MTA3: variants seen among roughly 807,000 people sequenced by gnomAD.
The protein encoded by MTA3 is metastasis associated 1 family member 3.
Under a neutral mutation model 83.5 loss-of-function variants are expected in MTA3, and 34 were observed. The ratio of observed to expected loss-of-function variants is 0.41; its 90% confidence interval spans 0.31 to 0.54. The LOEUF (loss-of-function observed/expected upper bound fraction) is 0.54. Ranked by LOEUF, MTA3 falls within the 20% of genes least tolerant of loss-of-function variation. The pLI is 0.33. For missense variants in MTA3, 761 were observed against 726.4 expected, an observed-to-expected ratio of 1.05 and a Z score of -0.55; for synonymous variants, 303 against 252.7, an observed-to-expected ratio of 1.20 and a Z score of -1.89.
intron 2 of MTA3, among the ~76,000 whole-genome samples, chr2:42,572,454 C>T (rs1573011682): frequency 6.6e-6 from 1 of 151,914 alleles, no homozygotes; most frequent in Admixed American, 6.6e-5. Context: ...TGGCACATGC[C>T]TGTAGTCCCA....
intron 3 of MTA3, among the ~76,000 whole-genome samples, chr2:42,580,028 C>T (rs549633327): frequency 2.0e-5 from 3 of 152,254 alleles, no homozygotes; most frequent in East Asian, 3.9e-4. Flanking sequence ...ACTGCAGCCT[C>T]GATGTCCCGG....
At chr2:42,709,123 T>A in intron 14 of MTA3, 27 bp downstream of exon 14, 1 of 1,558,012 alleles carries the variant, frequency 6.4e-7, no homozygotes, top group Non-Finnish European at 8.7e-7. Flanking sequence ...TTCTTAACCT[T>A]ATATGTTGTG....
chr2:42,658,635 G>C (rs1254618354), intron 7 of MTA3, among the ~76,000 whole-genome samples: 1 of 152,174 alleles, frequency 6.6e-6, no homozygotes, highest in East Asian at 1.9e-4. Context: ...CCTGTGGAAA[G>C]GAGCTTGAGG....
At chr2:42,736,373 C>T (rs936625004) in intron 16 of MTA3, among the ~76,000 whole-genome samples, 8 of 152,186 alleles carry the variant, frequency 5.3e-5, no homozygotes, top group African/African-American at 1.7e-4. Flanking sequence ...TGGGACAGCT[C>T]TGTGTCAGAC....
chr2:42,703,976 GTCAGGCA>G, intron 11 of MTA3: 2 of 451,724 alleles, frequency 4.4e-6, no homozygotes, highest in South Asian at 4.9e-5. Flanking sequence ...CTTCGTGAAT[GTCAGGCA>G]TAAGCAATTC....
chr2:42,495,533 G>A (rs1674092677), intron 2 of MTA3, among the ~76,000 whole-genome samples: 1 of 152,128 alleles, frequency 6.6e-6, no homozygotes, highest in Admixed American at 6.6e-5. Flanking sequence ...GTAAGAAAGT[G>A]AGTTTCAAGA....
chr2:42,726,585 T>G (rs1323492440), intron 16 of MTA3, among the ~76,000 whole-genome samples: 6 of 152,050 alleles, frequency 3.9e-5, no homozygotes, highest in Non-Finnish European at 7.4e-5. Flanking sequence ...AATTCCCACC[T>G]ATGAGTGAGA....
At chr2:42,594,867 C>G (rs1389347628) in intron 3 of MTA3, among the ~76,000 whole-genome samples, 3 of 143,582 alleles carry the variant, frequency 2.1e-5, no homozygotes, top group Non-Finnish European at 4.5e-5. Context: ...GCTGGGACTA[C>G]AAGAGCCTGC....
chr2:42,508,161 T>A (rs1674723649), intron 2 of MTA3, among the ~76,000 whole-genome samples: 1 of 152,030 alleles, frequency 6.6e-6, no homozygotes, highest in Non-Finnish European at 1.5e-5. Context: ...TTCTTGTCAG[T>A]CAAGTCTCAG....
intron 3 of MTA3, among the ~76,000 whole-genome samples, chr2:42,599,444 A>C (rs1682269673): frequency 6.6e-6 from 1 of 151,892 alleles, no homozygotes; most frequent in South Asian, 2.1e-4. Flanking sequence ...AAAAATACAA[A>C]AATTAGCCGG....
intron 3 of MTA3, among the ~76,000 whole-genome samples, chr2:42,585,101 T>G (rs1180526666): frequency 6.6e-6 from 1 of 151,652 alleles, no homozygotes; most frequent in Non-Finnish European, 1.5e-5. Context: ...TAATAATAAT[T>G]TTTTGAGACA....
chr2:42,536,321 A>G (rs992484540), intron 2 of MTA3, among the ~76,000 whole-genome samples: 7 of 151,840 alleles, frequency 4.6e-5, no homozygotes, highest in Non-Finnish European at 8.8e-5. Flanking sequence ...TAAGAATACA[A>G]AAAATTAGCT....
At chr2:42,498,769 C>A (rs1041959641) in intron 2 of MTA3, among the ~76,000 whole-genome samples, 2 of 152,164 alleles carry the variant, frequency 1.3e-5, no homozygotes, top group Non-Finnish European at 2.9e-5. Context: ...GGCTGTCTAT[C>A]CAGACAGAGT....
intron 9 of MTA3, among the ~76,000 whole-genome samples, chr2:42,693,443 C>G (rs551164734): frequency 6.6e-6 from 1 of 152,296 alleles, no homozygotes; most frequent in South Asian, 2.1e-4. Flanking sequence ...AGCTGAGACT[C>G]AAACCACAAT....
At chr2:42,553,870 C>CAAAA (rs34637052) in intron 2 of MTA3, among the ~76,000 whole-genome samples, 3 of 90,254 alleles carry the variant, frequency 3.3e-5, no homozygotes, top group African/African-American at 4.4e-5. Flanking sequence ...GACTCCATCT[C>CAAAA]AAAAAAAAAA....
At chr2:42,506,648 T>C (rs1413728253) in intron 2 of MTA3, among the ~76,000 whole-genome samples, 1 of 151,524 alleles carries the variant, frequency 6.6e-6, no homozygotes, top group Non-Finnish European at 1.5e-5. Flanking sequence ...TATTTATTTA[T>C]TATTCTTTTT....
chr2:42,606,476 A>G (rs894941435), intron 3 of MTA3, among the ~76,000 whole-genome samples: 1 of 146,922 alleles, frequency 6.8e-6, no homozygotes, highest in African/African-American at 2.6e-5. Context: ...CACATCCCAG[A>G]TGATGTGCGG....
chr2:42,593,341 A>C (rs970934020), intron 3 of MTA3, among the ~76,000 whole-genome samples: 1 of 63,790 alleles, frequency 1.6e-5, no homozygotes, highest in Non-Finnish European at 2.9e-5. Context: ...ACAGAGCGAG[A>C]CTCTGTGTCA....
intron 2 of MTA3, among the ~76,000 whole-genome samples, chr2:42,540,680 T>C (rs1676478797): frequency 6.6e-6 from 1 of 151,120 alleles, no homozygotes; most frequent in African/African-American, 2.4e-5. Context: ...ACAAAAAATT[T>C]AAAAATTAGC....
Sources: allele counts gnomAD v4.1 joint callset (sites outside exome capture counted in the v4.1 genomes callset), GRCh38; gene constraint gnomAD v4.1.1; transcripts MANE v1.5; gene names NCBI Gene and HGNC (gene_info 2026-07-23, HGNC 2026-07-21).